The following POU6F2 variants were observed in gnomAD, a reference collection of about 807,000 sequenced individuals.
POU6F2 encodes the protein POU domain, class 6, transcription factor 2.
POU6F2 carries 31 observed loss-of-function variants against 71.3 expected under a neutral mutation model. The ratio of observed to expected loss-of-function variants is 0.43; its 90% CI spans 0.33 to 0.59. The LOEUF is 0.59. Ranked by LOEUF, POU6F2 falls within the 20% of genes least tolerant of loss-of-function variation. POU6F2 has a pLI of 0.04. For missense variants in POU6F2, 783 were observed against 856.8 expected (o/e 0.91, Z 1.07); for synonymous variants, 347 against 355.7 (o/e 0.98, Z 0.27).
chr7:39,302,490 T>C (rs990926597), intron 4 of POU6F2, among the ~76,000 whole-genome samples: 1 of 152,256 alleles, frequency 6.6e-6, no homozygotes, highest in African/African-American at 2.4e-5. Flanking sequence ...TGAATCTATA[T>C]TCTAACCTGG....
intron 4 of POU6F2, among the ~76,000 whole-genome samples, chr7:39,253,076 A>C (rs1783958010): frequency 6.6e-6 from 1 of 152,214 alleles, no homozygotes; most frequent in Non-Finnish European, 1.5e-5. Context: ...GAAGGAATGC[A>C]TCCACGGCTT....
At chr7:39,021,568 C>T (rs111731945) in intron 1 of POU6F2, among the ~76,000 whole-genome samples, 3,653 of 151,940 alleles carry the variant, frequency 0.024, 149 homozygotes, top group African/African-American at 0.084. Flanking sequence ...TGTAATTGAT[C>T]TAAGTTATAA....
At chr7:39,109,766 A>G (rs968429200) in intron 2 of POU6F2, among the ~76,000 whole-genome samples, 4 of 152,226 alleles carry the variant, frequency 2.6e-5, no homozygotes, top group African/African-American at 9.6e-5. Flanking sequence ...TTGGCTTTAA[A>G]TTTAGAGTGA....
chr7:39,297,413 C>T (rs1039708811), intron 4 of POU6F2, among the ~76,000 whole-genome samples: 3 of 152,102 alleles, frequency 2.0e-5, no homozygotes, highest in African/African-American at 4.8e-5. Context: ...ACGTGGGCCA[C>T]GTTATTATAA....
intron 3 of POU6F2, among the ~76,000 whole-genome samples, chr7:39,205,781 G>A (rs1793999019): frequency 1.3e-5 from 2 of 152,314 alleles, no homozygotes; most frequent in Middle Eastern, 6.8e-3. Flanking sequence ...AAACTCAGCT[G>A]TGCAGAATCC....
At chr7:39,297,394 C>T (rs909105561) in intron 4 of POU6F2, among the ~76,000 whole-genome samples, 3 of 152,148 alleles carry the variant, frequency 2.0e-5, no homozygotes, top group Non-Finnish European at 4.4e-5. Context: ...TCACATTTAA[C>T]AAGTGATGAC....
intron 2 of POU6F2, among the ~76,000 whole-genome samples, chr7:39,130,457 C>T (rs1322838226): frequency 6.6e-6 from 1 of 152,130 alleles, no homozygotes; most frequent in African/African-American, 2.4e-5. Flanking sequence ...AAAAAATTCA[C>T]TTGAGAGAAG....
chr7:39,147,412 T>C lies in POU6F2; in HGVS notation c.278-56823T>C, dbSNP rs373851230. ...GACGTGTGAGCTGTTTGGACATGAG[T>C]GTACAGAACAAAAAGATTCTGGAAA... On this transcript the variant is annotated intron_variant, in intron 2 of 9. Coordinates refer to ENST00000518318, the MANE Select transcript of POU6F2 (RefSeq NM_001370959.1). Among the ~76,000 whole-genome samples the C allele has an allele frequency of 3.7e-4, 57 of 152,258 alleles. 2 individuals are homozygous for C. The South Asian group carries it at 0.012, about 32-fold the overall frequency.
chr7:39,340,752 C>CATATATATATATATATAT, intron 5 of POU6F2, among the ~76,000 whole-genome samples: 1 of 35,830 alleles, frequency 2.8e-5, no homozygotes, highest in African/African-American at 1.1e-4. Context: ...TAGGTGCATT[C>CATATATATATATATATAT]ATATATATAT....
intron 2 of POU6F2, among the ~76,000 whole-genome samples, chr7:39,097,154 G>T (rs911226387): frequency 6.6e-6 from 1 of 151,966 alleles, no homozygotes; most frequent in African/African-American, 2.4e-5. Flanking sequence ...TAGTATATAT[G>T]CCCTTTTCCA....
intron 1 of POU6F2, among the ~76,000 whole-genome samples, chr7:38,978,781 A>C (rs1212445350): frequency 2.0e-5 from 3 of 152,188 alleles, no homozygotes; most frequent in African/African-American, 7.2e-5. Flanking sequence ...GAAATGCCAG[A>C]AGAATATCTC....
intron 4 of POU6F2, among the ~76,000 whole-genome samples, chr7:39,253,161 T>C (rs1783960145): frequency 6.6e-6 from 1 of 152,262 alleles, no homozygotes; most frequent in South Asian, 2.1e-4. Flanking sequence ...CCTGAGCTGC[T>C]GCTCTGTGGT....
At chr7:39,271,509 A>C (rs1285265173) in intron 4 of POU6F2, among the ~76,000 whole-genome samples, 2 of 151,940 alleles carry the variant, frequency 1.3e-5, no homozygotes, top group East Asian at 1.9e-4. Context: ...AAAAAAAAAA[A>C]AAAACCCTAT....
chr7:39,086,816 G>C (rs925495820), intron 2 of POU6F2, among the ~76,000 whole-genome samples: 23 of 152,116 alleles, frequency 1.5e-4, no homozygotes, highest in Non-Finnish European at 2.4e-4. Context: ...ATCAGAAAGG[G>C]GAGCGGGTTG....
At chr7:39,160,519 G>T (rs1447199471) in intron 2 of POU6F2, among the ~76,000 whole-genome samples, 8 of 152,114 alleles carry the variant, frequency 5.3e-5, no homozygotes, top group Admixed American at 5.2e-4. Flanking sequence ...ACAAGAGAGG[G>T]CCATTCTGTG....
chr7:39,133,687 C>T (rs1792333391), intron 2 of POU6F2, among the ~76,000 whole-genome samples: 1 of 152,160 alleles, frequency 6.6e-6, no homozygotes, highest in Non-Finnish European at 1.5e-5. Flanking sequence ...TCCTTAGTGT[C>T]AACCTAACAC....
intron 5 of POU6F2, among the ~76,000 whole-genome samples, chr7:39,363,835 T>C (rs939587864): frequency 6.6e-6 from 1 of 151,944 alleles, no homozygotes; most frequent in Non-Finnish European, 1.5e-5. Context: ...GACAAGAGCT[T>C]CAGTGGAGCG....
chr7:39,343,238 C>T (rs1785957117), intron 5 of POU6F2, among the ~76,000 whole-genome samples: 1 of 152,166 alleles, frequency 6.6e-6, no homozygotes, highest in Admixed American at 6.5e-5. Context: ...GCACTGTGAG[C>T]TGAATTTAGT....
chr7:39,297,236 CAT>C (rs1554339610), intron 4 of POU6F2, among the ~76,000 whole-genome samples: 4 of 148,974 alleles, frequency 2.7e-5, no homozygotes, highest in South Asian at 2.2e-4. Flanking sequence ...CACACACACA[CAT>C]GAATTCACAT....
Sources: allele counts gnomAD v4.1 joint callset (sites outside exome capture counted in the v4.1 genomes callset), GRCh38; gene constraint gnomAD v4.1.1; transcripts MANE v1.5; gene names NCBI Gene and HGNC (gene_info 2026-07-23, HGNC 2026-07-21).